Variants in HNMT observed in about 807,000 individuals in gnomAD.
HNMT encodes histamine N-methyltransferase.
In HNMT, 30 loss-of-function variants were observed where a neutral mutation model predicts 32.1. The observed-to-expected ratio is 0.93, with a 90% confidence interval of 0.70 to 1.27. The LOEUF (loss-of-function observed/expected upper bound fraction) is 1.27, where lower values mean the gene tolerates loss of function less well. HNMT is among the 50% of genes most tolerant of loss of function. The pLI is 0.00. For missense variants in HNMT, 327 were observed against 346.0 expected (o/e 0.95, Z 0.43); for synonymous variants, 125 against 119.0 (o/e 1.05, Z -0.33).
At chr2:138,000,777 G>GAT in intron 2 of HNMT, 141 bp from the exon 3 acceptor site, 1 of 485,448 alleles carries the variant, frequency 2.1e-6, no homozygotes, top group Non-Finnish European at 3.6e-6. Flanking sequence ...CCTGCATCAT[G>GAT]GCAGGGCAGC....
chr2:138,012,186 A>G (rs1047332601), intron 5 of HNMT, among the ~76,000 whole-genome samples: 1 of 152,142 alleles, frequency 6.6e-6, no homozygotes, highest in Non-Finnish European at 1.5e-5. Context: ...TTACGCAATA[A>G]TTCACTTAAA....
chr2:138,011,231 CAGAGCCTCTCTTCAACCACTGAA>C (rs1681494249), intron 5 of HNMT, among the ~76,000 whole-genome samples: 1 of 152,064 alleles, frequency 6.6e-6, no homozygotes, highest in Non-Finnish European at 1.5e-5. Flanking sequence ...ATGATGATAA[CAGAGCCTCTCTTCAACCACTGAA>C]ATGCTGATTT....
intron 2 of HNMT, among the ~76,000 whole-genome samples, chr2:137,986,691 A>G (rs1403205843): frequency 6.6e-6 from 1 of 152,266 alleles, no homozygotes. Context: ...GAAGATAAAC[A>G]CTTCGAAAAT....
chr2:138,001,959 C>G, intron 3 of HNMT, 105 bp from the exon 4 acceptor site: 1 of 832,700 alleles, frequency 1.2e-6, no homozygotes, highest in Non-Finnish European at 1.7e-6. Flanking sequence ...AACGTTCTTT[C>G]TATCTGTTTG....
At chr2:137,987,972 T>G (rs1386413352) in intron 2 of HNMT, among the ~76,000 whole-genome samples, 1 of 152,110 alleles carries the variant, frequency 6.6e-6, no homozygotes, top group African/African-American at 2.4e-5. Flanking sequence ...TTTAGATGTG[T>G]AGGAGTTAGC....
intron 2 of HNMT, among the ~76,000 whole-genome samples, chr2:137,978,455 T>A (rs1680357699): frequency 6.9e-6 from 1 of 144,130 alleles, no homozygotes; most frequent in Admixed American, 7.0e-5. Context: ...TTAGATAATA[T>A]AGTATTATAC....
chr2:138,010,480 C>T (rs984869116), intron 5 of HNMT, among the ~76,000 whole-genome samples: 2 of 142,872 alleles, frequency 1.4e-5, no homozygotes, highest in African/African-American at 5.2e-5. Flanking sequence ...CACACACACA[C>T]ACAGCAAATG....
chr2:137,980,988 C>T (rs1340656224), intron 2 of HNMT, among the ~76,000 whole-genome samples: 1 of 152,092 alleles, frequency 6.6e-6, no homozygotes, highest in African/African-American at 2.4e-5. Flanking sequence ...CATCTCCAAG[C>T]ACGGAGTTAT....
In HNMT at chr2:137,969,971, T is replaced by C. The variant is rs181718042; in HGVS notation, c.138-194T>C. 8.3e-4 allele frequency among the ~76,000 whole-genome samples: 126 copies of C among 152,318 alleles called. 1 individual carries two copies. Among genetic ancestry groups the C allele is most frequent in the African/African-American group, 2.7e-3 (114 of 41,582 alleles). On this transcript the variant is annotated intron_variant, in intron 1 of 5. Coordinates refer to ENST00000280097, the MANE Select transcript of HNMT (RefSeq NM_006895.3). ...ATTTCCAAGTCTCCCAGTTAAAGAT[T>C]GTTAATGAATAAAACCTATATTTTG...
At chr2:137,983,580 T>C (rs1680566424) in intron 2 of HNMT, among the ~76,000 whole-genome samples, 1 of 152,104 alleles carries the variant, frequency 6.6e-6, no homozygotes, top group Non-Finnish European at 1.5e-5. Context: ...GCAGTGCTCA[T>C]CATACAGGAT....
rs779617692 is a variant in HNMT, at chr2:137,970,933, AAAAGAAAGAAAGAAAGAAAG to A, written c.190+736_190+755del. On this transcript the variant is annotated intron_variant, in intron 2 of 5. Coordinates refer to ENST00000280097, the MANE Select transcript of HNMT (RefSeq NM_006895.3). ...AGACTACGTCTCAAAAAAAAAAAAA[AAAAGAAAGAAAGAAAGAAAG>A]AAAGAAAGAAAGAAAGAAAAAAGAA... Among the ~76,000 whole-genome samples, 13 of 86,690 alleles carry A rather than the reference AAAAGAAAGAAAGAAAGAAAG, an allele frequency of 1.5e-4. 1 individual carries two copies. Among genetic ancestry groups the A allele is most frequent in the Non-Finnish European group, 3.0e-4 (13 of 43,246 alleles). 56.9% of individuals were successfully genotyped at this position (86,690 alleles called of 152,430 possible). A position where few individuals can be genotyped will look rare whatever the true frequency, so the allele number is the denominator to read the frequency against.
chr2:137,978,455 T>C (rs1680357699), intron 2 of HNMT, among the ~76,000 whole-genome samples: 1 of 144,130 alleles, frequency 6.9e-6, no homozygotes, highest in Non-Finnish European at 1.5e-5. Context: ...TTAGATAATA[T>C]AGTATTATAC....
Position 138,002,379 on chromosome 2 carries a change from A to G in HNMT, c.429+185A>G, listed in dbSNP as rs755988737. On this transcript the variant is annotated intron_variant, in intron 4 of 5. Transcript: ENST00000280097. The stretch of plus-strand genomic sequence containing the variant: ...TTATTATACTAAGATTCTCTTTAAC[A>G]TTCCAAAAACCAGTTTTCTCTAATC... 11 of 1,031,438 alleles carry G rather than the reference A, an allele frequency of 1.1e-5. No homozygotes were observed. In the African/African-American group the frequency reaches 1.5e-4, roughly 14 times the overall value. The allele number at this position is 1,031,438 out of a possible 1,614,324, so 63.9% of individuals were successfully genotyped here.
chr2:137,970,140 A>T, intron 1 of HNMT, 25 bp from the exon 2 acceptor site: 1 of 1,394,088 alleles, frequency 7.2e-7, no homozygotes, highest in Non-Finnish European at 1.0e-6. Context: ...CATTTTTCTA[A>T]AACTACATAA....
chr2:138,007,481 A>G (rs1455162), intron 5 of HNMT, among the ~76,000 whole-genome samples: 47,139 of 151,882 alleles, frequency 0.31, 8,660 homozygotes, highest in African/African-American at 0.51. Context: ...AGATTCTCCA[A>G]TCCTATCGGC....
chr2:138,007,885 G>T (rs1381825788), intron 5 of HNMT, among the ~76,000 whole-genome samples: 4 of 151,702 alleles, frequency 2.6e-5, no homozygotes, highest in African/African-American at 4.8e-5. Context: ...GCTCAATCTG[G>T]ACACACTTCC....
chr2:138,001,950 A>C lies in HNMT; in HGVS notation c.299-114A>C, dbSNP rs751651986. 1.3e-5 allele frequency: 10 copies of C among 753,002 alleles called. No homozygotes were observed. The East Asian group carries it at 3.1e-4, about 23-fold the overall frequency. The allele number at this position is 753,002 out of a possible 1,614,324, so 46.6% of individuals were successfully genotyped here. On this transcript the variant is annotated intron_variant, in intron 3 of 5. Transcript: ENST00000280097. Reference sequence around the variant, plus strand: ...GGTCTCCCAGACATAAGAAAGAAAAACGTTCTTTCTATCTGTTTGTATATA... The same window carrying C: ...GGTCTCCCAGACATAAGAAAGAAAACCGTTCTTTCTATCTGTTTGTATATA...
At chr2:138,004,215 G>A (rs1339109638) in intron 4 of HNMT, among the ~76,000 whole-genome samples, 2 of 151,990 alleles carry the variant, frequency 1.3e-5, no homozygotes, top group Non-Finnish European at 2.9e-5. Flanking sequence ...CTATATTTGG[G>A]TACCTGCCTA....
intron 2 of HNMT, among the ~76,000 whole-genome samples, chr2:137,980,937 G>C (rs1680474825): frequency 6.6e-6 from 1 of 152,018 alleles, no homozygotes; most frequent in South Asian, 2.1e-4. Flanking sequence ...CAATCAGATT[G>C]TTCTTTCTCT....
Sources: gnomAD v4.1 joint callset for allele counts (sites outside exome capture counted in the v4.1 genomes callset) on GRCh38, gnomAD v4.1.1 for gene constraint, MANE v1.5 for transcripts, NCBI Gene and HGNC (gene_info 2026-07-23, HGNC 2026-07-21) for gene names.